The following RPA1 variants were observed in gnomAD, a reference collection of about 807,000 sequenced individuals.
The protein encoded by RPA1 is replication protein A 70 kDa DNA-binding subunit.
RPA1 carries 49 observed loss-of-function variants against 83.0 expected under a neutral mutation model. That is an observed-to-expected ratio of 0.59 (90% CI 0.47 to 0.75). The LOEUF (loss-of-function observed/expected upper bound fraction) is 0.75, where lower values mean the gene tolerates loss of function less well. RPA1 is among the 30% of genes least tolerant of loss of function. RPA1 has a pLI of 0.00. For missense variants in RPA1, 693 were observed against 776.1 expected, an observed-to-expected ratio of 0.89 and a Z score of 1.27; for synonymous variants, 279 against 281.8, an observed-to-expected ratio of 0.99 and a Z score of 0.10.
At position 1,897,395 on chromosome 17, in the gene RPA1, A is replaced by T; in HGVS notation, c.*220A>T. ...TAGACTGTGTCAGGCCTACGGAGTC[A>T]GCCAGTGGCTAGCGCAAGACCAGTC... On this transcript the variant is annotated 3_prime_UTR_variant, in exon 17 of 17. Coordinates refer to ENST00000254719, the MANE Select transcript of RPA1 (RefSeq NM_002945.5). The T allele has an allele frequency of 2.0e-6, 1 of 491,654 alleles. No homozygotes were observed. The highest frequency in any genetic ancestry group is 3.6e-6 in the Non-Finnish European group (1 of 278,170). The allele number at this position is 491,654 out of a possible 1,614,324, so 30.5% of individuals were successfully genotyped here.
intron 1 of RPA1, among the ~76,000 whole-genome samples, chr17:1,834,074 A>G (rs1459832578): frequency 6.6e-6 from 1 of 152,016 alleles, no homozygotes; most frequent in African/African-American, 2.4e-5. Context: ...CTGCTGCTTG[A>G]GAGCCTGAGG....
intron 14 of RPA1, among the ~76,000 whole-genome samples, chr17:1,891,092 G>C (rs960848932): frequency 6.6e-6 from 1 of 152,152 alleles, no homozygotes; most frequent in Non-Finnish European, 1.5e-5. Flanking sequence ...ATGTAAAATC[G>C]TCAAAATGAT....
chr17:1,848,086 G>A (rs897997595), intron 4 of RPA1, among the ~76,000 whole-genome samples: 4 of 152,154 alleles, frequency 2.6e-5, no homozygotes, highest in African/African-American at 4.8e-5. Flanking sequence ...GGGTGGTAGA[G>A]TGTGGAGTGA....
intron 1 of RPA1, among the ~76,000 whole-genome samples, chr17:1,830,846 A>G (rs1597409634): frequency 6.6e-6 from 1 of 151,432 alleles, no homozygotes; most frequent in South Asian, 2.1e-4. Context: ...GCTCACTGCA[A>G]CCTCCGTCTC....
At chr17:1,895,482 C>T (rs952682957) in intron 16 of RPA1, among the ~76,000 whole-genome samples, 9 of 151,018 alleles carry the variant, frequency 6.0e-5, no homozygotes, top group African/African-American at 1.9e-4. Context: ...ATGAGCCGGG[C>T]GTGGTGGTGT....
chr17:1,837,370 CTTA>C (rs755215537), intron 1 of RPA1, among the ~76,000 whole-genome samples: 7 of 152,126 alleles, frequency 4.6e-5, no homozygotes, highest in African/African-American at 1.4e-4. Context: ...TGTTTATTTA[CTTA>C]TTATTGCACA....
rs189353333 is a variant in RPA1 at position 1,838,835 on chromosome 17, C to G, written c.34-3968C>G. ...CCCATTTCATTGAGTTACTTAGTCA[C>G]TTTATTTATTTATTTTTTTAATTTT... is the stretch of plus-strand genomic sequence containing the variant. On this transcript the variant is annotated intron_variant, in intron 1 of 16. Transcript: ENST00000254719. Among the ~76,000 whole-genome samples, 5 of 152,016 alleles carry G rather than the reference C, an allele frequency of 3.3e-5. No individual in the cohort carries two copies. In the East Asian group the frequency reaches 9.7e-4, roughly 29 times the overall value.
intron 12 of RPA1, among the ~76,000 whole-genome samples, chr17:1,882,668 A>G (rs1913840104): frequency 6.6e-6 from 1 of 152,178 alleles, no homozygotes; most frequent in Non-Finnish European, 1.5e-5. Flanking sequence ...CTGTCTCAAA[A>G]CAAAAAAACC....
chr17:1,851,123 G>T (rs1256428587), intron 4 of RPA1, among the ~76,000 whole-genome samples: 1 of 151,842 alleles, frequency 6.6e-6, no homozygotes. Context: ...GTAAATCTCA[G>T]ACATCATATT....
rs545847960 is a variant in RPA1 at position 1,831,684 on chromosome 17, T to C, written c.33+1558T>C. 4.3e-4 allele frequency among the ~76,000 whole-genome samples: 65 copies of C among 150,762 alleles called. 2 individuals carry two copies. The East Asian group carries it at 0.012, about 27-fold the overall frequency. On this transcript the variant is annotated intron_variant, in intron 1 of 16. Transcript: ENST00000254719. ...CGCGATCTCGGCTCACTGCAAGCTC[T>C]GCCTCCTGGGTTCACGCCATTCTCC...
rs370484311 is a variant in RPA1 at position 1,883,798 on chromosome 17, G to A, written c.1242-14G>A. 36 of 1,613,916 alleles carry A rather than the reference G, an allele frequency of 2.2e-5. No homozygotes were observed. The highest frequency in any genetic ancestry group is 3.3e-5 in the South Asian group (3 of 91,068). ...CATCAAGCGCTCGTCATCGTTATTC[G>A]TTCACGTTTTCAGGTTTGACGCAGA... On this transcript the variant is annotated splice_polypyrimidine_tract_variant and intron_variant, in intron 12 of 16. Transcript: ENST00000254719.
chr17:1,850,821 G>A (rs1362541500), intron 4 of RPA1, among the ~76,000 whole-genome samples: 1 of 152,038 alleles, frequency 6.6e-6, no homozygotes, highest in Non-Finnish European at 1.5e-5. Context: ...GAACCTGGGA[G>A]GCGGAGGTTG....
chr17:1,840,032 A>ATCC (rs1911986983), intron 1 of RPA1, among the ~76,000 whole-genome samples: 1 of 151,716 alleles, frequency 6.6e-6, no homozygotes. Context: ...ACCTCAAGCG[A>ATCC]TCCTCCTGTC....
At chr17:1,838,638 C>T (rs1289064784) in intron 1 of RPA1, among the ~76,000 whole-genome samples, 4 of 151,698 alleles carry the variant, frequency 2.6e-5, no homozygotes, top group Non-Finnish European at 4.4e-5. Flanking sequence ...TTTGCCTACC[C>T]GACCCAAGGT....
chr17:1,848,271 G>A (rs915850452), intron 4 of RPA1, among the ~76,000 whole-genome samples: 7 of 152,060 alleles, frequency 4.6e-5, no homozygotes, highest in African/African-American at 1.7e-4. Flanking sequence ...AAAAAGAAGT[G>A]TTTGCCATTA....
In RPA1 at chr17:1,844,630, C is replaced by T. The variant is rs769762830; in HGVS notation, c.216C>T (p.Ser72=). The T allele has an allele frequency of 4.3e-6, 7 of 1,613,628 alleles. No homozygotes were observed. Among genetic ancestry groups the T allele is most frequent in the African/African-American group, 4.0e-5 (3 of 74,900 alleles). Residue 72 remains serine (S), a synonymous_variant, in exon 4 of 17, where the codon TCC becomes TCT. Transcript: ENST00000254719. ...LNPLVEEEQL[S]SNCVCQIHRF... ...CTCTCGTGGAGGAAGAACAATTGTC[C>T]AGCAACTGTGTATGCCAGATTCACA...
At chr17:1,831,954 C>T (rs1273944414) in intron 1 of RPA1, among the ~76,000 whole-genome samples, 2 of 123,716 alleles carry the variant, frequency 1.6e-5, no homozygotes, top group Non-Finnish European at 3.3e-5. Flanking sequence ...TCTCCCCATA[C>T]CCCCCCACTA....
intron 14 of RPA1, among the ~76,000 whole-genome samples, chr17:1,890,406 T>C (rs1045501916): frequency 4.6e-5 from 7 of 151,776 alleles, no homozygotes; most frequent in Middle Eastern, 3.2e-3. Context: ...CTCACGCCTG[T>C]AATCCCAGCA....
At chr17:1,871,813 C>T (rs1394491094) in intron 5 of RPA1, among the ~76,000 whole-genome samples, 1 of 152,076 alleles carries the variant, frequency 6.6e-6, no homozygotes, top group Non-Finnish European at 1.5e-5. Context: ...CTTCCGAACC[C>T]CATTGTCATC....
Sources: gnomAD v4.1 joint callset for allele counts (sites outside exome capture counted in the v4.1 genomes callset) on GRCh38, gnomAD v4.1.1 for gene constraint, MANE v1.5 for transcripts, NCBI Gene and HGNC (gene_info 2026-07-23, HGNC 2026-07-21) for gene names.